Variants in ITPR2 observed in about 807,000 individuals in gnomAD.
ITPR2 encodes the protein inositol 1,4,5-trisphosphate receptor type 2.
A neutral mutation model predicts 317.1 loss-of-function variants in ITPR2; 207 were observed. The ratio of observed to expected loss-of-function variants is 0.65; its 90% CI spans 0.58 to 0.73. ITPR2 has a LOEUF of 0.73. ITPR2 is among the 30% of genes least tolerant of loss of function. The probability of loss-of-function intolerance (pLI) is 0.00; values close to 1 mark genes in which losing one functional copy is unlikely to be tolerated. For missense variants in ITPR2, 2,613 were observed against 3,284.0 expected (o/e 0.80, Z 4.99); for synonymous variants, 1,156 against 1,149.1 (o/e 1.01, Z -0.12).
chr12:26,765,572 T>C (rs1949706348), intron 2 of ITPR2, among the ~76,000 whole-genome samples: 7 of 152,116 alleles, frequency 4.6e-5, no homozygotes. Flanking sequence ...AAACTTGTAA[T>C]TTATTATTTG....
Position 26,433,413 on chromosome 12 carries a change from T to C in ITPR2, c.6769+2808A>G, listed in dbSNP as rs1379921577. 3.9e-5 allele frequency among the ~76,000 whole-genome samples: 6 copies of C among 152,030 alleles called. No homozygotes were observed. In the East Asian group the frequency reaches 1.2e-3, roughly 29 times the overall value. ...GGGACTAACAAACTTATACCTCCCA[T>C]AACTAGGAGAAAATTGATGCCATGG... On this transcript the variant is annotated intron_variant, in intron 48 of 56. Transcript: ENST00000381340.
At chr12:26,624,161 T>C (rs894412866) in intron 24 of ITPR2, 138 bp downstream of exon 24, 1 of 614,356 alleles carries the variant, frequency 1.6e-6, no homozygotes, top group African/African-American at 1.9e-5. Flanking sequence ...GCAGCTTCAT[T>C]TCTGGCAGAA....
intron 35 of ITPR2, among the ~76,000 whole-genome samples, chr12:26,559,499 C>T (rs1056882860): frequency 1.1e-4 from 16 of 152,106 alleles, no homozygotes; most frequent in African/African-American, 1.2e-4. Flanking sequence ...TGAGCTTGCA[C>T]GGGCCTATTT....
chr12:26,403,916 T>G (rs866624601), intron 52 of ITPR2, among the ~76,000 whole-genome samples: 13 of 152,262 alleles, frequency 8.5e-5, no homozygotes, highest in African/African-American at 3.1e-4. Context: ...AGCGATAAAC[T>G]GGGAGCTCTC....
chr12:26,672,037 C>A, intron 13 of ITPR2, among the ~76,000 whole-genome samples: 1 of 152,058 alleles, frequency 6.6e-6, no homozygotes, highest in Non-Finnish European at 1.5e-5. Flanking sequence ...CAGGAGCACC[C>A]AGATTCATAA....
chr12:26,391,555 C>CTTTTTTTTTTTTTTTTTTTTTT lies in ITPR2; in HGVS notation c.7697-3962_7697-3961insAAAAAAAAAAAAAAAAAAAAAA, dbSNP rs1491173931. Among the ~76,000 whole-genome samples, 31 of 70,856 alleles carry CTTTTTTTTTTTTTTTTTTTTTT rather than the reference C, an allele frequency of 4.4e-4. 8 individuals carry two copies. The highest frequency in any genetic ancestry group is 6.1e-4 in the Admixed American group (3 of 4,944). The allele number at this position is 70,856 out of a possible 152,430, so 46.5% of individuals were successfully genotyped here. On this transcript the variant is annotated intron_variant, in intron 54 of 56. Coordinates refer to ENST00000381340, the MANE Select transcript of ITPR2 (RefSeq NM_002223.4). ...AGCTTCTTCTTCTTCTTCTTCTTTT[C>CTTTTTTTTTTTTTTTTTTTTTT]CTTTTTTTTTTTTTTTTTTTTTTTT...
At chr12:26,589,853 T>TACACACACACAC (rs56044866) in intron 32 of ITPR2, among the ~76,000 whole-genome samples, 8 of 57,310 alleles carry the variant, frequency 1.4e-4, no homozygotes, top group African/African-American at 4.0e-4. Flanking sequence ...TATATATATA[T>TACACACACACAC]ACACACACAC....
Position 26,682,001 on chromosome 12 carries a change from C to T in ITPR2, c.1282G>A (p.Ala428Thr). 1 of 1,613,072 alleles carries T rather than the reference C, an allele frequency of 6.2e-7. No homozygotes were observed. The highest frequency in any genetic ancestry group is 8.5e-7 in the Non-Finnish European group (1 of 1,179,460). The part of the protein sequence containing the change: ...GTCQTKEDKE[A>T]FAIVSVPLSE... ...AGTGGAACAGACACGATTGCGAACG[C>T]TTCTTTATCTTCTTTGGTTTGGCAG... Residue 428 changes from alanine (A) to threonine (T), a missense_variant, in exon 13 of 57, where the codon GCG becomes ACG. Transcript: ENST00000381340.
At chr12:26,539,175 C>T (rs1944190027) in intron 37 of ITPR2, among the ~76,000 whole-genome samples, 1 of 152,156 alleles carries the variant, frequency 6.6e-6, no homozygotes, top group Non-Finnish European at 1.5e-5. Context: ...ATGTATCAGG[C>T]CCAGTCTTAT....
intron 2 of ITPR2, among the ~76,000 whole-genome samples, chr12:26,785,454 G>A (rs1190655999): frequency 1.4e-3 from 88 of 60,922 alleles, no homozygotes; most frequent in Middle Eastern, 0.013. Flanking sequence ...CTGCCCGGCC[G>A]GCCGCCCCGT....
At chr12:26,583,355 G>C (rs964857603) in intron 32 of ITPR2, among the ~76,000 whole-genome samples, 3 of 151,996 alleles carry the variant, frequency 2.0e-5, no homozygotes, top group Non-Finnish European at 4.4e-5. Context: ...TTTAGTATGA[G>C]TTTAACATAT....
chr12:26,398,347 C>T (rs1187442263), intron 54 of ITPR2, among the ~76,000 whole-genome samples: 1 of 152,006 alleles, frequency 6.6e-6, no homozygotes, highest in South Asian at 2.1e-4. Context: ...CACTTGAACC[C>T]GGGAGGCAGA....
chr12:26,690,917 A>G (rs1173717025), intron 10 of ITPR2, among the ~76,000 whole-genome samples: 3 of 152,216 alleles, frequency 2.0e-5, no homozygotes, highest in Non-Finnish European at 4.4e-5. Flanking sequence ...TAAATAGTTC[A>G]CTTAGGTTCT....
At chr12:26,539,942 T>C (rs1052134210) in intron 37 of ITPR2, among the ~76,000 whole-genome samples, 11 of 152,244 alleles carry the variant, frequency 7.2e-5, no homozygotes, top group African/African-American at 2.4e-4. Flanking sequence ...CTACTATGTG[T>C]CAATCTGTCC....
chr12:26,421,621 T>A (rs1198141604), intron 49 of ITPR2, among the ~76,000 whole-genome samples: 3 of 152,228 alleles, frequency 2.0e-5, no homozygotes, highest in Non-Finnish European at 4.4e-5. Context: ...CATAAAAAAG[T>A]TGACATCGTC....
chr12:26,346,818 T>G (rs1281998143), intron 55 of ITPR2, among the ~76,000 whole-genome samples: 4 of 152,092 alleles, frequency 2.6e-5, no homozygotes, highest in Non-Finnish European at 5.9e-5. Flanking sequence ...ATTCTCTGAG[T>G]CCCAGTTTCC....
rs200758856 is a variant in ITPR2, at chr12:26,494,369, C to T, written c.5183-29G>A. The T allele has an allele frequency of 4.5e-5, 66 of 1,463,944 alleles. No homozygotes were observed. In the Admixed American group the frequency reaches 1.2e-3, roughly 28 times the overall value. 90.7% of individuals were successfully genotyped at this position (1,463,944 alleles called of 1,614,324 possible). On this transcript the variant is annotated intron_variant, in intron 38 of 56. Transcript: ENST00000381340. ...TGATTGGGAAAAATAAATAAATAAA[C>T]CTTAATTGTAGACATTATTAATATG...
intron 15 of ITPR2, among the ~76,000 whole-genome samples, chr12:26,662,406 C>A (rs961328064): frequency 6.6e-6 from 1 of 152,130 alleles, no homozygotes; most frequent in Non-Finnish European, 1.5e-5. Context: ...AGTAAGCACA[C>A]AATAAATACT....
chr12:26,409,482 A>C (rs1048339344), intron 52 of ITPR2, among the ~76,000 whole-genome samples: 1 of 152,196 alleles, frequency 6.6e-6, no homozygotes, highest in African/African-American at 2.4e-5. Flanking sequence ...TTGCTGTCCT[A>C]TGCATTTCTG....
Sources: allele counts gnomAD v4.1 joint callset (sites outside exome capture counted in the v4.1 genomes callset), GRCh38; gene constraint gnomAD v4.1.1; transcripts MANE v1.5; gene names NCBI Gene and HGNC (gene_info 2026-07-23, HGNC 2026-07-21).